RANBP2: variants seen among roughly 807,000 people sequenced by gnomAD.
The protein encoded by RANBP2 is RAN binding protein 2.
Under a neutral mutation model 303.6 loss-of-function variants are expected in RANBP2, and 57 were observed. The ratio of observed to expected loss-of-function variants is 0.19; its 90% CI spans 0.15 to 0.23. The LOEUF (loss-of-function observed/expected upper bound fraction) is 0.23. RANBP2 is among the 10% of genes least tolerant of loss of function. The pLI is 1.00. For synonymous variants in RANBP2, 1,167 were observed against 1,301.5 expected (o/e 0.90, Z 2.23); for missense variants, 3,138 against 3,780.8 (o/e 0.83, Z 4.46).
At chr2:109,058,230 C>G in the RANBP2 span, among the ~76,000 whole-genome samples, 72 of 152,318 alleles carry the variant, frequency 4.7e-4, no homozygotes, top group African/African-American at 1.7e-3. Context: ...CTCAGTGTGA[C>G]AAATGACCCC....
At chr2:109,479,078 G>C in the RANBP2 span, among the ~76,000 whole-genome samples, 2 of 152,182 alleles carry the variant, frequency 1.3e-5, no homozygotes, top group African/African-American at 4.8e-5. Flanking sequence ...AACCTTGGCC[G>C]GGCTGCAGGT....
At chr2:109,572,092 C>T in the RANBP2 span, among the ~76,000 whole-genome samples, 1 of 152,178 alleles carries the variant, frequency 6.6e-6, no homozygotes, top group East Asian at 1.9e-4. Flanking sequence ...AGCTAATCTT[C>T]CCAAAAGTCT....
At chr2:109,284,019 C>G in the RANBP2 span, among the ~76,000 whole-genome samples, 3 of 152,108 alleles carry the variant, frequency 2.0e-5, no homozygotes, top group Non-Finnish European at 4.4e-5. Context: ...GTAGGAAAGC[C>G]GAGGGGAGGG....
chr2:109,290,087 C>G, the RANBP2 span, among the ~76,000 whole-genome samples: 2 of 152,152 alleles, frequency 1.3e-5, no homozygotes, highest in South Asian at 4.2e-4. Flanking sequence ...TCTTGTGATG[C>G]CAATGCTGCT....
At chr2:108,799,219 G>A in the RANBP2 span, among the ~76,000 whole-genome samples, 6 of 152,120 alleles carry the variant, frequency 3.9e-5, no homozygotes, top group African/African-American at 1.2e-4. Flanking sequence ...TGATTGCTTC[G>A]TAACGATAAT....
At chr2:109,078,067 T>C in the RANBP2 span, among the ~76,000 whole-genome samples, 3 of 103,668 alleles carry the variant, frequency 2.9e-5, no homozygotes, top group South Asian at 1.0e-3. Flanking sequence ...TAACTGTCCA[T>C]TGACAGATGA....
chr2:108,765,984 A>G lies in RANBP2; in HGVS notation c.5445A>G (p.Ala1815=). The change falls in exon 20 of 29, where the codon GCA becomes GCG. Residue 1815 remains alanine, a synonymous_variant. Coordinates refer to ENST00000283195, the MANE Select transcript of RANBP2 (RefSeq NM_006267.5). ...CTAAACCAACTCATAAACCTATTGCAGAAGCTCCTTCAGCTTTCACACTGG... is the reference window on the plus strand; with the variant it reads ...CTAAACCAACTCATAAACCTATTGCGGAAGCTCCTTCAGCTTTCACACTGG... The part of the protein sequence containing the change: ...DASKPTHKPI[A]EAPSAFTLGS... The G allele has an allele frequency of 6.2e-7, 1 of 1,614,192 alleles. No individual in the cohort carries two copies. The highest frequency in any genetic ancestry group is 8.5e-7 in the Non-Finnish European group (1 of 1,180,000).
At chr2:109,760,240 G>A in the RANBP2 span, 2 of 149,166 alleles carry the variant, frequency 1.3e-5, no homozygotes, top group Non-Finnish European at 3.0e-5. Flanking sequence ...ACATTCCCAG[G>A]AACACTCATT....
chr2:108,772,375 A>T (rs1677568325), intron 21 of RANBP2, 114 bp from the exon 22 acceptor site: 1 of 755,748 alleles, frequency 1.3e-6, no homozygotes, highest in East Asian at 2.7e-5. Flanking sequence ...AAGATATAAA[A>T]TTGGCTGCAA....
the RANBP2 span, among the ~76,000 whole-genome samples, chr2:109,703,156 C>T: frequency 6.6e-6 from 1 of 152,152 alleles, no homozygotes; most frequent in Non-Finnish European, 1.5e-5. Flanking sequence ...AACATTAGCA[C>T]TAATTAAGGT....
At chr2:109,159,971 T>TA in the RANBP2 span, among the ~76,000 whole-genome samples, 1 of 152,188 alleles carries the variant, frequency 6.6e-6, no homozygotes, top group East Asian at 1.9e-4. Flanking sequence ...ATAATAGAAA[T>TA]AAAGTGCACA....
the RANBP2 span, among the ~76,000 whole-genome samples, chr2:109,078,267 CGT>C: frequency 8.0e-4 from 14 of 17,554 alleles, 3 homozygotes; most frequent in Admixed American, 4.2e-3. Context: ...ATATATAGCG[CGT>C]ATATATATAT....
chr2:108,886,085 T>A, the RANBP2 span, among the ~76,000 whole-genome samples: 2 of 152,174 alleles, frequency 1.3e-5, no homozygotes, highest in Non-Finnish European at 2.9e-5. Flanking sequence ...GTGATATATA[T>A]CAGTATATCA....
At chr2:109,173,296 G>GC in the RANBP2 span, among the ~76,000 whole-genome samples, 3 of 152,176 alleles carry the variant, frequency 2.0e-5, no homozygotes, top group Admixed American at 2.0e-4. Flanking sequence ...TCCTGAGCCT[G>GC]CACTTGCGTT....
chr2:109,481,614 A>G, the RANBP2 span, among the ~76,000 whole-genome samples: 1 of 151,170 alleles, frequency 6.6e-6, no homozygotes, highest in Non-Finnish European at 1.5e-5. Context: ...TCATCCCTCC[A>G]CTCAGGCTGT....
At chr2:108,771,605 C>T (rs1487291275) in intron 20 of RANBP2, 96 bp from the exon 21 acceptor site, 62 of 1,575,836 alleles carry the variant, frequency 3.9e-5, no homozygotes, top group Non-Finnish European at 5.1e-5. Context: ...GCTGTTTTAA[C>T]CTATAGATAG....
At chr2:109,004,229 A>G in the RANBP2 span, among the ~76,000 whole-genome samples, 3 of 152,202 alleles carry the variant, frequency 2.0e-5, no homozygotes, top group African/African-American at 4.8e-5. Flanking sequence ...GGATGACCTT[A>G]GGACCCCTGA....
chr2:108,876,275 G>A, the RANBP2 span: 2 of 1,371,616 alleles, frequency 1.5e-6, no homozygotes, highest in Admixed American at 2.1e-5. Flanking sequence ...TTTTAATATA[G>A]TATATGTGGT....
At chr2:109,583,434 T>C in the RANBP2 span, among the ~76,000 whole-genome samples, 1 of 152,064 alleles carries the variant, frequency 6.6e-6, no homozygotes, top group Non-Finnish European at 1.5e-5. Context: ...AAAACCACAA[T>C]GAGATACCAT....
Sources: gnomAD v4.1 joint callset for allele counts (sites outside exome capture counted in the v4.1 genomes callset) on GRCh38, gnomAD v4.1.1 for gene constraint, MANE v1.5 for transcripts, NCBI Gene and HGNC (gene_info 2026-07-23, HGNC 2026-07-21) for gene names.